SLC12A7: variants seen among roughly 807,000 people sequenced by gnomAD.
SLC12A7 encodes the protein K-Cl cotransporter 4.
Under a neutral mutation model 120.6 loss-of-function variants are expected in SLC12A7, and 100 were observed. The observed-to-expected ratio is 0.83, with a 90% confidence interval of 0.71 to 0.98. The LOEUF is 0.98. Among genes scored for constraint, SLC12A7 ranks in the 50% least tolerant of loss-of-function variants. The probability of loss-of-function intolerance (pLI) is 0.00; values close to 1 mark genes in which losing one functional copy is unlikely to be tolerated. For synonymous variants in SLC12A7, 760 were observed against 678.0 expected (o/e 1.12, Z -1.88); for missense variants, 1,373 against 1,548.1 (o/e 0.89, Z 1.90).
At chr5:1,053,682 G>A (rs1056511700) in intron 22 of SLC12A7, among the ~76,000 whole-genome samples, 200 bp from the exon 23 acceptor site, 2 of 152,240 alleles carry the variant, frequency 1.3e-5, no homozygotes, top group African/African-American at 2.4e-5. Context: ...CAGGGCGGGC[G>A]TTCAGCAGCG....
chr5:1,075,812 A>C (rs1738267542), intron 14 of SLC12A7: 1 of 496,088 alleles, frequency 2.0e-6, no homozygotes, highest in African/African-American at 1.9e-5. Context: ...AGTTAAGAAG[A>C]CCCACAGCCC....
At position 1,052,426 on chromosome 5, in the gene SLC12A7, G is replaced by A. The variant is rs138980870; in HGVS notation, c.3186C>T (p.Thr1062=). ...ENYMEFLEVL[T]EGLNRVLLVR... Reference sequence around the variant, plus strand: ...CCAGGAGGACTCTGTTCAGCCCCTCGGTCAGGACTTCAAGAAACTCCATGT... The same window carrying A: ...CCAGGAGGACTCTGTTCAGCCCCTCAGTCAGGACTTCAAGAAACTCCATGT... Residue 1062 remains threonine, a synonymous_variant, in exon 24 of 24, where the codon ACC becomes ACT. Coordinates refer to ENST00000264930, the MANE Select transcript of SLC12A7 (RefSeq NM_006598.3). The A allele has an allele frequency of 1.4e-4, 228 of 1,612,814 alleles. No homozygotes were observed. Among genetic ancestry groups the A allele is most frequent in the East Asian group, 4.2e-4 (19 of 44,886 alleles).
chr5:1,114,920 TC>T (rs1471226671), upstream of SLC12A7, among the ~76,000 whole-genome samples: 1 of 152,212 alleles, frequency 6.6e-6, no homozygotes, highest in Non-Finnish European at 1.5e-5. Context: ...GCTCATCTTG[TC>T]CGTCTGGCCA....
At chr5:1,082,614 C>G (rs1192312866) in intron 8 of SLC12A7, among the ~76,000 whole-genome samples, 1 of 124,456 alleles carries the variant, frequency 8.0e-6, no homozygotes, top group Non-Finnish European at 1.7e-5. Context: ...TGGGCTTCCT[C>G]TCTAGGGTTC....
the SLC12A7 span, among the ~76,000 whole-genome samples, chr5:1,147,650 C>G: frequency 1.3e-5 from 2 of 152,192 alleles, no homozygotes; most frequent in Non-Finnish European, 2.9e-5. Context: ...TCTCTCTGCT[C>G]CCCTTCAAGA....
rs1736255023 is a variant in SLC12A7 at position 1,061,450 on chromosome 5, GCGGGA to G, written c.2740-1004_2740-1000del. ...GCGTCTCACCCACCGCACCCGCCGT[GCGGGA>G]TCCCTGAGTCTCACCCGCCGCACCC... On this transcript the variant is annotated intron_variant, in intron 20 of 23. Transcript: ENST00000264930. Among the ~76,000 whole-genome samples, 2 of 68,934 alleles carry G rather than the reference GCGGGA, an allele frequency of 2.9e-5. 1 individual carries two copies. The highest frequency in any genetic ancestry group is 6.7e-5 in the Non-Finnish European group (2 of 29,732). The allele number at this position is 68,934 out of a possible 152,430, so 45.2% of individuals were successfully genotyped here. A position where few individuals can be genotyped will look rare whatever the true frequency, so the allele number is the denominator to read the frequency against.
Position 1,075,419 on chromosome 5 carries a change from G to C in SLC12A7, c.1919C>G (p.Ser640Cys). ...GATGCAGCCAGCGATGAGCATGGCG[G>C]ACAGCGCGTAGTACCAGGAGCAGAT... is the stretch of plus-strand genomic sequence containing the variant. ...MFICSWYYAL[S>C]AMLIAGCIYK... Residue 640 changes from serine (S) to cysteine (C), a missense_variant, in exon 15 of 24, where the codon TCC (serine) becomes TGC (cysteine). By Grantham distance (112) the Ser-to-Cys change is moderately radical. Coordinates refer to ENST00000264930, the MANE Select transcript of SLC12A7 (RefSeq NM_006598.3). 1 of 1,612,552 alleles carries C rather than the reference G, an allele frequency of 6.2e-7. No individual in the cohort carries two copies. The highest frequency in any genetic ancestry group is 8.5e-7 in the Non-Finnish European group (1 of 1,179,654).
At chr5:1,112,824 G>A (rs1463127616), upstream of SLC12A7, among the ~76,000 whole-genome samples, 3 of 149,428 alleles carry the variant, frequency 2.0e-5, no homozygotes, top group East Asian at 4.1e-4. Flanking sequence ...GGGGTACTCC[G>A]GAGCTTGGTC....
chr5:1,062,123 C>G (rs998022743), intron 20 of SLC12A7, among the ~76,000 whole-genome samples: 3 of 152,096 alleles, frequency 2.0e-5, no homozygotes, highest in African/African-American at 7.2e-5. Context: ...TCAGAGCTAA[C>G]AACCCCTGCT....
intron 9 of SLC12A7, among the ~76,000 whole-genome samples, chr5:1,081,109 GAGAGAA>G (rs1259205025): frequency 1.2e-4 from 2 of 16,588 alleles, no homozygotes; most frequent in Non-Finnish European, 3.2e-3. Flanking sequence ...GGTAGGGGGA[GAGAGAA>G]AGAGTGCCGG....
the SLC12A7 span, among the ~76,000 whole-genome samples, chr5:1,148,197 CTTTCTTTCTTTTTTTTTTTTTT>C: frequency 7.8e-6 from 1 of 128,520 alleles, no homozygotes. Flanking sequence ...ATACTTTTTT[CTTTCTTTCTTTTTTTTTTTTTT>C]TTTTTGAGAT....
At chr5:1,096,857 GGAGGGAT>G (rs1741294377) in intron 1 of SLC12A7, among the ~76,000 whole-genome samples, 1 of 119,830 alleles carries the variant, frequency 8.3e-6, no homozygotes, top group African/African-American at 3.1e-5. Context: ...AAGGAGGGAG[GGAGGGAT>G]GAAGGGAGGG....
chr5:1,085,234 G>T lies in SLC12A7; in HGVS notation c.915C>A (p.Ile305=). The T allele has an allele frequency of 6.2e-7, 1 of 1,612,446 alleles. No homozygotes were observed. The highest frequency in any genetic ancestry group is 8.5e-7 in the Non-Finnish European group (1 of 1,179,786). The change falls in exon 7 of 24, where the codon ATC becomes ATA. Residue 305 remains isoleucine, a splice_region_variant and synonymous_variant. Coordinates refer to ENST00000264930, the MANE Select transcript of SLC12A7 (RefSeq NM_006598.3). ...VIKSAFDPPD[I]PVCLLGNRTL... is the part of the protein sequence containing the mutation. ...GGCTCAGAGGCCCCGAGACTCACGGGATGTCCGGGGGGTCGAAGGCAGACT... is the reference window on the plus strand; with the variant it reads ...GGCTCAGAGGCCCCGAGACTCACGGTATGTCCGGGGGGTCGAAGGCAGACT...
chr5:1,065,482 C>T lies in SLC12A7; in HGVS notation c.2242-4G>A, dbSNP rs773639748. 7.6e-6 allele frequency: 12 copies of T among 1,571,494 alleles called. No individual in the cohort carries two copies. The highest frequency in any genetic ancestry group is 5.9e-5 in the South Asian group (5 of 85,392). ...TGCTCATTAGGGACCGTATGTTCTGCGGGAGACAGGACAGGTTGGTGCTAC... is the reference window on the plus strand; with the variant it reads ...TGCTCATTAGGGACCGTATGTTCTGTGGGAGACAGGACAGGTTGGTGCTAC... On this transcript the variant is annotated splice_region_variant and splice_polypyrimidine_tract_variant and intron_variant, in intron 17 of 23. Transcript: ENST00000264930.
chr5:1,076,645 C>A, intron 13 of SLC12A7, 49 bp downstream of exon 13: 1 of 1,423,802 alleles, frequency 7.0e-7, no homozygotes, highest in Non-Finnish European at 9.8e-7. Flanking sequence ...CTGCCCCACG[C>A]TCCAGGCCCA....
At chr5:1,126,390 C>T in the SLC12A7 span, among the ~76,000 whole-genome samples, 26 of 152,336 alleles carry the variant, frequency 1.7e-4, no homozygotes, top group Middle Eastern at 6.8e-3. Context: ...CACCCAGCCC[C>T]TACCTATTCT....
At chr5:1,099,582 C>G (rs1741790397) in intron 1 of SLC12A7, among the ~76,000 whole-genome samples, 1 of 152,188 alleles carries the variant, frequency 6.6e-6, no homozygotes, top group African/African-American at 2.4e-5. Context: ...CCGACCTCCA[C>G]AAAACTCGCC....
At chr5:1,134,079 T>A in the SLC12A7 span, among the ~76,000 whole-genome samples, 1 of 152,142 alleles carries the variant, frequency 6.6e-6, no homozygotes, top group Non-Finnish European at 1.5e-5. Flanking sequence ...AGCCTCCCCT[T>A]TAAAAGCCTC....
intron 1 of SLC12A7, among the ~76,000 whole-genome samples, chr5:1,101,663 G>C (rs1290570701): frequency 6.6e-6 from 1 of 152,192 alleles, no homozygotes; most frequent in African/African-American, 2.4e-5. Context: ...CCCCAGGTAA[G>C]CAAGTGGGCA....
Sources: gnomAD v4.1 joint callset for allele counts (sites outside exome capture counted in the v4.1 genomes callset) on GRCh38, gnomAD v4.1.1 for gene constraint, MANE v1.5 for transcripts, NCBI Gene and HGNC (gene_info 2026-07-23, HGNC 2026-07-21) for gene names.